Variants in GALNT6 observed in about 807,000 individuals in gnomAD.
GALNT6 encodes GalNAc transferase 6.
A neutral mutation model predicts 65.9 loss-of-function variants in GALNT6; 51 were observed. The ratio of observed to expected loss-of-function variants is 0.77; its 90% confidence interval spans 0.62 to 0.98. The LOEUF (loss-of-function observed/expected upper bound fraction) is 0.98. GALNT6 is among the 50% of genes least tolerant of loss of function. GALNT6 has a pLI of 0.00. For missense variants in GALNT6, 708 were observed against 803.3 expected, an observed-to-expected ratio of 0.88 and a Z score of 1.43; for synonymous variants, 323 against 315.1, an observed-to-expected ratio of 1.02 and a Z score of -0.26.
intron 2 of GALNT6, among the ~76,000 whole-genome samples, chr12:51,384,691 C>CAAAAAA (rs747557675): frequency 5.4e-4 from 48 of 89,090 alleles, no homozygotes; most frequent in Middle Eastern, 6.5e-3. Flanking sequence ...GACTCTGTCT[C>CAAAAAA]AAAAAAAAAA....
intron 4 of GALNT6, among the ~76,000 whole-genome samples, chr12:51,370,986 A>T (rs955492543): frequency 1.3e-5 from 2 of 152,124 alleles, no homozygotes; most frequent in African/African-American, 4.8e-5. Context: ...ACATACACAC[A>T]TGAAAAATCC....
chr12:51,360,635 C>T (rs945304433), intron 7 of GALNT6, 86 bp downstream of exon 7: 2 of 804,900 alleles, frequency 2.5e-6, no homozygotes, highest in South Asian at 2.9e-5. Context: ...GATGGGATGT[C>T]CCTGATGCCA....
rs961787188 is a variant in GALNT6 at position 51,379,156 on chromosome 12, A to G, written c.491+135T>C. On this transcript the variant is annotated intron_variant, in intron 3 of 11. Coordinates refer to ENST00000356317, the MANE Select transcript of GALNT6 (RefSeq NM_007210.4). ...AGTTGTTCTGGGAAAGAAGTGAGGC[A>G]TAGAGGAGATCCTTGCCCATATTAT... The G allele has an allele frequency of 1.2e-5, 10 of 861,526 alleles. 1 individual carries two copies. The highest frequency in any genetic ancestry group is 4.6e-5 in the South Asian group (2 of 43,054). 53.4% of individuals were successfully genotyped at this position (861,526 alleles called of 1,614,324 possible).
rs56302652 is a variant in GALNT6 at position 51,373,529 on chromosome 12, A to C, written c.664+3666T>G. On this transcript the variant is annotated intron_variant, in intron 4 of 11. Transcript: ENST00000356317. ...GTCTCCCCAGCCCTGCAGAACTGTG[A>C]GTTAATTAAACCTCTCTCCTTTATA... Among the ~76,000 whole-genome samples, 896 of 152,308 alleles carry C rather than the reference A, an allele frequency of 5.9e-3. 10 individuals carry two copies. The highest frequency in any genetic ancestry group is 0.02 in the African/African-American group (834 of 41,548).
At chr12:51,384,823 T>C (rs11169822) in intron 2 of GALNT6, among the ~76,000 whole-genome samples, 28,097 of 152,032 alleles carry the variant, frequency 0.18, 3,239 homozygotes, top group East Asian at 0.51. Flanking sequence ...AGGTTGAGGC[T>C]GTAGTTAGTT....
intron 9 of GALNT6, 47 bp downstream of exon 9, chr12:51,358,083 A>C (rs770345198): frequency 6.3e-7 from 1 of 1,581,450 alleles, no homozygotes; most frequent in South Asian, 1.1e-5. Flanking sequence ...GAACTTCTCC[A>C]AGGGGTGCTG....
At chr12:51,367,790 G>T (rs1317204830) in intron 4 of GALNT6, among the ~76,000 whole-genome samples, 1 of 152,178 alleles carries the variant, frequency 6.6e-6, no homozygotes, top group Non-Finnish European at 1.5e-5. Flanking sequence ...GTGCCGGTGT[G>T]GGTGAGGTAG....
intron 2 of GALNT6, among the ~76,000 whole-genome samples, chr12:51,384,559 G>A (rs1363548869): frequency 6.6e-6 from 1 of 152,008 alleles, no homozygotes; most frequent in Non-Finnish European, 1.5e-5. Context: ...AGGCATGGTG[G>A]CATGTGCCTG....
chr12:51,357,358 G>T lies in GALNT6; in HGVS notation c.1593C>A (p.Gly531=). The change falls in exon 10 of 12, where the codon GGC becomes GGA. Residue 531 remains glycine (G), a synonymous_variant. Transcript: ENST00000356317. ...TGGGTGGGCTGCATACCTGGTTGCC[G>T]CCAAGGCCGTGGCAGGAGTACATGA... ...PLIMYSCHGL[G]GNQYFEYTTQ... is the part of the protein sequence containing the mutation. 1 of 1,610,010 alleles carries T rather than the reference G, an allele frequency of 6.2e-7. No homozygotes were observed. The highest frequency in any genetic ancestry group is 1.3e-5 in the African/African-American group (1 of 74,932).
At chr12:51,386,694 G>A (rs1385068538) in intron 2 of GALNT6, among the ~76,000 whole-genome samples, 1 of 152,196 alleles carries the variant, frequency 6.6e-6, no homozygotes, top group Non-Finnish European at 1.5e-5. Context: ...GGGCACAGGT[G>A]TGTGGAGCTA....
chr12:51,387,065 TC>T lies in GALNT6; in HGVS notation c.-104+3784del, dbSNP rs1401759437. ...TATTTCTGTAGCTAGTCTGTCAAGT[TC>T]CCCCAACATATCAAGGTTCATTTTA... On this transcript the variant is annotated intron_variant, in intron 2 of 11. Coordinates refer to ENST00000356317, the MANE Select transcript of GALNT6 (RefSeq NM_007210.4). This position sits in a 1 kb window ranked among gnomAD's most constrained non-coding sequence, Gnocchi z 4.2. Among the ~76,000 whole-genome samples, 1 of 152,104 alleles carries T rather than the reference TC, an allele frequency of 6.6e-6. No individual in the cohort carries two copies. Among genetic ancestry groups the T allele is most frequent in the Admixed American group, 6.5e-5 (1 of 15,270 alleles).
intron 10 of GALNT6, 50 bp from the exon 11 acceptor site, chr12:51,356,008 C>T (rs1398643089): frequency 6.3e-7 from 1 of 1,577,798 alleles, no homozygotes; most frequent in East Asian, 2.3e-5. Context: ...CCCAGCCTTC[C>T]AAAGCCACCT....
At chr12:51,363,589 G>T (rs913712306) in intron 6 of GALNT6, among the ~76,000 whole-genome samples, 1 of 152,230 alleles carries the variant, frequency 6.6e-6, no homozygotes, top group Non-Finnish European at 1.5e-5. Context: ...CAGGGCAACT[G>T]CTACAAACTT....
intron 3 of GALNT6, among the ~76,000 whole-genome samples, chr12:51,378,783 G>C (rs1432901919): frequency 1.3e-5 from 2 of 152,044 alleles, no homozygotes; most frequent in African/African-American, 2.4e-5. Context: ...AACAACTTCA[G>C]ATAAAGGTTG....
chr12:51,361,433 C>T (rs1946921224), intron 6 of GALNT6, among the ~76,000 whole-genome samples: 1 of 152,190 alleles, frequency 6.6e-6, no homozygotes, highest in Admixed American at 6.5e-5. Context: ...GCATGAGAAA[C>T]TGTAGATTTG....
intron 6 of GALNT6, among the ~76,000 whole-genome samples, chr12:51,362,111 C>A (rs1946941661): frequency 6.6e-6 from 1 of 152,110 alleles, no homozygotes; most frequent in Admixed American, 6.5e-5. Flanking sequence ...GGTCTTAAAC[C>A]GGCACAAGTA....
chr12:51,387,001 A>T lies in GALNT6; in HGVS notation c.-104+3849T>A, dbSNP rs983978033. Among the ~76,000 whole-genome samples the T allele has an allele frequency of 9.8e-5, 15 of 152,300 alleles. No individual in the cohort carries two copies. Among genetic ancestry groups the T allele is most frequent in the African/African-American group, 3.6e-4 (15 of 41,546 alleles). ...GCTTTTCTCCAAGACTCAAGCTGCA[A>T]TACTGTGGCTTATTTTCCCAGGAAG... On this transcript the variant is annotated intron_variant, in intron 2 of 11. Transcript: ENST00000356317. The surrounding 1 kb of genome is among the most constrained non-coding windows in gnomAD (Gnocchi z 4.2).
At chr12:51,375,274 A>T (rs1947414385) in intron 4 of GALNT6, among the ~76,000 whole-genome samples, 1 of 152,184 alleles carries the variant, frequency 6.6e-6, no homozygotes, top group South Asian at 2.1e-4. Flanking sequence ...GACTGTGCTT[A>T]TGCCATTCTC....
At chr12:51,357,521 C>T (rs1298144653) in intron 9 of GALNT6, 71 bp from the exon 10 acceptor site, 8 of 1,054,304 alleles carry the variant, frequency 7.6e-6, no homozygotes, top group Non-Finnish European at 1.2e-5. Flanking sequence ...TGGTATGGGG[C>T]CCCACTGGAA....
Sources: allele counts gnomAD v4.1 joint callset (sites outside exome capture counted in the v4.1 genomes callset), GRCh38; gene constraint gnomAD v4.1.1; non-coding constraint Gnocchi (gnomAD v3.1); transcripts MANE v1.5; gene names NCBI Gene and HGNC (gene_info 2026-07-23, HGNC 2026-07-21).